CPLANE1: variants seen among roughly 807,000 people sequenced by gnomAD.
CPLANE1 encodes the protein ciliogenesis and planar polarity effector 1.
CPLANE1 carries 263 observed loss-of-function variants against 362.5 expected under a neutral mutation model. The ratio of observed to expected loss-of-function variants is 0.73; its 90% CI spans 0.66 to 0.80. The LOEUF (loss-of-function observed/expected upper bound fraction) is 0.80. CPLANE1 is among the 30% of genes least tolerant of loss of function. The pLI is 0.00. For missense variants in CPLANE1, 3,461 were observed against 3,793.4 expected (o/e 0.91, Z 2.30); for synonymous variants, 1,212 against 1,302.6 (o/e 0.93, Z 1.50).
intron 23 of CPLANE1, 39 bp downstream of exon 23, chr5:37,187,375 G>A (rs762742223): frequency 3.3e-6 from 5 of 1,503,668 alleles, no homozygotes; most frequent in Non-Finnish European, 4.5e-6. Flanking sequence ...TAAAGTCTCT[G>A]ATTCTGATGT....
rs1341411250 is a variant in CPLANE1 at position 37,213,694 on chromosome 5, C to T, written c.2785G>A (p.Gly929Ser). Reference protein sequence around the residue: ...KSHFECGMVGGVHPEAAVRVV... With the variant: ...KSHFECGMVGSVHPEAAVRVV... ...CTCACTGCTGCCTCAGGATGAACAC[C>T]GCCCACCATTCCACACTCAAAATGA... is the stretch of plus-strand genomic sequence containing the variant. The change falls in exon 16 of 53, where the codon GGT (glycine) becomes AGT (serine). Residue 929 changes from glycine to serine, a missense_variant. Around this residue, in one of 2 missense-constraint regions of CPLANE1, gnomAD observed 3,380 missense variants for 3,666.1 expected, o/e 0.92. Transcript: ENST00000651892. 5.2e-6 allele frequency: 8 copies of T among 1,530,240 alleles called. No individual in the cohort carries two copies. Among genetic ancestry groups the T allele is most frequent in the South Asian group, 5.0e-5 (4 of 80,382 alleles). 94.8% of individuals were successfully genotyped at this position (1,530,240 alleles called of 1,614,324 possible).
intron 47 of CPLANE1, among the ~76,000 whole-genome samples, chr5:37,124,416 T>C (rs9292648): frequency 0.016 from 2,479 of 152,264 alleles, 71 homozygotes; most frequent in African/African-American, 0.056. Flanking sequence ...ATGCTGAGTT[T>C]TAAAAACAGT....
intron 49 of CPLANE1, among the ~76,000 whole-genome samples, chr5:37,120,586 G>A (rs1229560114): frequency 6.6e-6 from 1 of 152,050 alleles, no homozygotes; most frequent in Non-Finnish European, 1.5e-5. Context: ...TTACTTTAAG[G>A]AAAAAACAGA....
chr5:37,236,438 A>C (rs573696853), intron 8 of CPLANE1, among the ~76,000 whole-genome samples: 1 of 152,186 alleles, frequency 6.6e-6, no homozygotes, highest in Non-Finnish European at 1.5e-5. Context: ...AAGATGGATT[A>C]AAGACCTAAA....
chr5:37,169,540 G>C lies in CPLANE1; in HGVS notation c.6484C>G (p.Pro2162Ala), dbSNP rs1175850198. Residue 2162 changes from proline (P) to alanine (A), a missense_variant, in exon 34 of 53, where the codon CCT (proline) becomes GCT (alanine). Around this residue, in one of 2 missense-constraint regions of CPLANE1, gnomAD observed 3,380 missense variants for 3,666.1 expected, o/e 0.92. Transcript: ENST00000651892. Reference protein sequence around the residue: ...NVQNVPHGSIPLCQLNGQPRK... With the variant: ...NVQNVPHGSIALCQLNGQPRK... ...GGCTGGCCATTTAATTGACATAAAG[G>C]AATACTCCCATGTGGAACATTCTGG... The C allele has an allele frequency of 6.2e-7, 1 of 1,610,446 alleles. No individual in the cohort carries two copies. Among genetic ancestry groups the C allele is most frequent in the Admixed American group, 1.7e-5 (1 of 59,506 alleles).
At chr5:37,127,209 T>G (rs1042821983) in intron 46 of CPLANE1, among the ~76,000 whole-genome samples, 6 of 152,218 alleles carry the variant, frequency 3.9e-5, no homozygotes, top group Admixed American at 2.6e-4. Context: ...ATTATAGCCA[T>G]GAAAACGACT....
At position 37,217,335 on chromosome 5, in the gene CPLANE1, G is replaced by A. The variant is rs894001706; in HGVS notation, c.2747-3603C>T. Among the ~76,000 whole-genome samples, 10 of 152,208 alleles carry A rather than the reference G, an allele frequency of 6.6e-5. No individual in the cohort carries two copies. In the East Asian group the frequency reaches 1.9e-3, roughly 29 times the overall value. Reference sequence around the variant, plus strand: ...AAAGTGTAAATCTCGACCGGGTGCAGTGGCTCATGCCTGTAATCCCAGCAC... The same window carrying A: ...AAAGTGTAAATCTCGACCGGGTGCAATGGCTCATGCCTGTAATCCCAGCAC... On this transcript the variant is annotated intron_variant, in intron 15 of 52. Coordinates refer to ENST00000651892, the MANE Select transcript of CPLANE1 (RefSeq NM_001384732.1).
At chr5:37,186,697 A>G (rs1784083779) in intron 23 of CPLANE1, among the ~76,000 whole-genome samples, 1 of 152,182 alleles carries the variant, frequency 6.6e-6, no homozygotes, top group South Asian at 2.1e-4. Context: ...CACATCCATC[A>G]ATACACACAT....
intron 41 of CPLANE1, among the ~76,000 whole-genome samples, chr5:37,154,417 T>C (rs2150634162): frequency 6.6e-6 from 1 of 151,392 alleles, no homozygotes; most frequent in African/African-American, 2.4e-5. Context: ...ACTCTTCTTA[T>C]TCTTAAACTC....
At chr5:37,168,584 C>A (rs542294777) in intron 34 of CPLANE1, among the ~76,000 whole-genome samples, 1 of 152,214 alleles carries the variant, frequency 6.6e-6, no homozygotes, top group African/African-American at 2.4e-5. Context: ...GGGATCTTCC[C>A]ATCTTGGCCT....
intron 42 of CPLANE1, 149 bp downstream of exon 42, chr5:37,153,591 C>CA (rs1774184432): frequency 1.3e-6 from 1 of 757,110 alleles, no homozygotes; most frequent in Non-Finnish European, 2.1e-6. Flanking sequence ...TTAACTGGCT[C>CA]AAATGTCAAT....
chr5:37,179,285 T>A (rs1179389164), intron 29 of CPLANE1, 76 bp downstream of exon 29: 1 of 946,794 alleles, frequency 1.1e-6, no homozygotes, highest in African/African-American at 1.7e-5. Context: ...TTAATAACAA[T>A]GAATAAAAAC....
chr5:37,247,405 C>G (rs1740077869), intron 2 of CPLANE1, among the ~76,000 whole-genome samples: 2 of 152,130 alleles, frequency 1.3e-5, no homozygotes, highest in African/African-American at 4.8e-5. Flanking sequence ...AAATAAACCA[C>G]TTAACATTCT....
chr5:37,125,378 T>A lies in CPLANE1; in HGVS notation c.8824A>T (p.Arg2942Ter). ...ATCTCTCTTCTTTCCTTGTCAGTTC[T>A]TTGTGAATGTCTGCCAGAATAATGC... ...IQHYSGRHSQ[R>*]TDKERREIQA... The change falls in exon 47 of 53, where the codon AGA (arginine) becomes TGA (stop). Residue 2942 changes from arginine (R) to a stop codon, truncating the protein, a stop_gained. Transcript: ENST00000651892. LOFTEE classifies it high-confidence loss of function. 1 of 1,613,328 alleles carries A rather than the reference T, an allele frequency of 6.2e-7. No homozygotes were observed. The highest frequency in any genetic ancestry group is 8.5e-7 in the Non-Finnish European group (1 of 1,179,892).
intron 51 of CPLANE1, among the ~76,000 whole-genome samples, chr5:37,109,586 G>A (rs1758524837): frequency 6.6e-6 from 1 of 152,068 alleles, no homozygotes; most frequent in Non-Finnish European, 1.5e-5. Flanking sequence ...ACTTTAACAT[G>A]TCCAAAACCA....
intron 35 of CPLANE1, 43 bp downstream of exon 35, chr5:37,167,004 C>A: frequency 7.0e-7 from 1 of 1,429,928 alleles, no homozygotes; most frequent in Non-Finnish European, 9.8e-7. Context: ...AATGAACTTG[C>A]TGATATATGA....
chr5:37,179,799 A>G (rs1443618817), intron 28 of CPLANE1, among the ~76,000 whole-genome samples: 1 of 152,220 alleles, frequency 6.6e-6, no homozygotes, highest in Non-Finnish European at 1.5e-5. Flanking sequence ...AAAGAGCACC[A>G]ACATAAAAAT....
chr5:37,237,575 G>A (rs559160949), intron 8 of CPLANE1, among the ~76,000 whole-genome samples: 9 of 152,316 alleles, frequency 5.9e-5, no homozygotes, highest in Admixed American at 3.3e-4. Flanking sequence ...GGCCAGGCAC[G>A]GTGGCTTACG....
At chr5:37,196,559 A>G (rs891464546) in intron 20 of CPLANE1, among the ~76,000 whole-genome samples, 2 of 152,168 alleles carry the variant, frequency 1.3e-5, no homozygotes, top group African/African-American at 4.8e-5. Context: ...CCTCATCCCT[A>G]AAATTAAAAT....
Sources: allele counts gnomAD v4.1 joint callset (sites outside exome capture counted in the v4.1 genomes callset), GRCh38; gene constraint gnomAD v4.1.1; regional missense constraint gnomAD v4.1.1; transcripts MANE v1.5; gene names NCBI Gene and HGNC (gene_info 2026-07-23, HGNC 2026-07-21).